Variants in FLT3 observed in about 807,000 individuals in gnomAD.
FLT3 encodes fms related receptor tyrosine kinase 3.
A neutral mutation model predicts 126.6 loss-of-function variants in FLT3; 46 were observed. That is an observed-to-expected ratio of 0.36 (90% CI 0.29 to 0.46). FLT3 has a LOEUF of 0.46. FLT3 is among the 20% of genes least tolerant of loss of function. The pLI, the probability that FLT3 is intolerant of heterozygous loss-of-function variation, is 1.00. For missense variants in FLT3, 1,069 were observed against 1,190.3 expected (o/e 0.90, Z 1.50); for synonymous variants, 404 against 434.4 (o/e 0.93, Z 0.87).
chr13:28,070,460 A>G, intron 2 of FLT3, 31 bp downstream of exon 2: 1 of 1,587,974 alleles, frequency 6.3e-7, no homozygotes, highest in Non-Finnish European at 8.6e-7. Context: ...AGAGAAAAAC[A>G]GCTAAAGGTA....
At position 28,052,569 on chromosome 13, in the gene FLT3, A is replaced by G; in HGVS notation, c.590T>C (p.Val197Ala). 1 of 1,613,632 alleles carries G rather than the reference A, an allele frequency of 6.2e-7. No individual in the cohort carries two copies. Among genetic ancestry groups the G allele is most frequent in the East Asian group, 2.2e-5 (1 of 44,880 alleles). The change falls in exon 5 of 24, where the codon GTG (valine) becomes GCG (alanine). Residue 197 changes from valine (V) to alanine (A), a missense_variant. Transcript: ENST00000241453. ...ESVPEPIVEW[V>A]LCDSQGESCK... ...CCTTTCCCCCTGTGAATCGCAAAGC[A>G]CCCATTCCACGATCGGCTCTGGAAC...
intron 9 of FLT3, among the ~76,000 whole-genome samples, chr13:28,045,122 G>A (rs1453710647): frequency 6.6e-6 from 1 of 152,136 alleles, no homozygotes; most frequent in Non-Finnish European, 1.5e-5. Flanking sequence ...TCATGGGTAT[G>A]GATTGTAGCC....
chr13:28,064,568 T>C (rs188947966), intron 2 of FLT3, among the ~76,000 whole-genome samples: 1 of 151,722 alleles, frequency 6.6e-6, no homozygotes, highest in African/African-American at 2.4e-5. Flanking sequence ...TGAGACTCCA[T>C]CTCAAAAAAA....
At chr13:28,023,541 A>T (rs553790799) in intron 18 of FLT3, 64 bp from the exon 19 acceptor site, 41 of 1,574,354 alleles carry the variant, frequency 2.6e-5, no homozygotes, top group Non-Finnish European at 3.4e-5. Context: ...TTAAATCTCT[A>T]TGGGAAGGTT....
rs1269797866 is a variant in FLT3 at position 28,018,554 on chromosome 13, A to C, written c.2454T>G (p.Leu818=). ...VHRDLAARNV[L]VTHGKVVKIC... ...TCTTCACCACTTTCCCGTGGGTGAC[A>C]AGCACGTTCCTGGCGGCCAGGTCTC... Residue 818 remains leucine (L), a synonymous_variant, in exon 20 of 24, where the codon CTT becomes CTG. Coordinates refer to ENST00000241453, the MANE Select transcript of FLT3 (RefSeq NM_004119.3). The C allele has an allele frequency of 6.2e-7, 1 of 1,614,196 alleles. No homozygotes were observed.
chr13:28,027,116 G>C lies in FLT3; in HGVS notation c.2179C>G (p.Pro727Ala). The C allele has an allele frequency of 1.2e-6, 2 of 1,613,594 alleles. No individual in the cohort carries two copies. The highest frequency in any genetic ancestry group is 2.2e-5 in the East Asian group (1 of 44,860). Residue 727 changes from proline (P) to alanine (A), a missense_variant, in exon 17 of 24, where the codon CCC becomes GCC. Coordinates refer to ENST00000241453, the MANE Select transcript of FLT3 (RefSeq NM_004119.3). ...IFKEHNFSFY[P>A]TFQSHPNSSM... ...GAATTTGGATGTGATTGGAAAGTGG[G>C]GTAAAAACTGAAATTGTGTTCCTTG...
At chr13:28,068,818 C>T (rs1006728241) in intron 2 of FLT3, among the ~76,000 whole-genome samples, 3 of 152,128 alleles carry the variant, frequency 2.0e-5, no homozygotes, top group Non-Finnish European at 4.4e-5. Context: ...CTCAAGCGAT[C>T]CACCCACCTT....
chr13:28,039,587 C>T (rs1291582893), intron 9 of FLT3, among the ~76,000 whole-genome samples: 5 of 143,792 alleles, frequency 3.5e-5, no homozygotes, highest in African/African-American at 1.1e-4. Context: ...CTCACTCTGT[C>T]GCCCAGGCTG....
intron 23 of FLT3, among the ~76,000 whole-genome samples, chr13:28,007,251 C>T (rs1212230079): frequency 1.3e-5 from 2 of 151,740 alleles, no homozygotes; most frequent in African/African-American, 4.8e-5. Context: ...TTTATTTGTG[C>T]TTTTTTCTTT....
chr13:28,003,592 T>A lies in FLT3; in HGVS notation c.*460A>T, dbSNP rs1181918424. On this transcript the variant is annotated 3_prime_UTR_variant, in exon 24 of 24. Transcript: ENST00000241453. The stretch of plus-strand genomic sequence containing the variant: ...TAAGACTTGCCCTAATTATACCATG[T>A]AAATAATTCAATAATGGGCAATTCT... The A allele has an allele frequency of 1.2e-5, 3 of 245,452 alleles. No homozygotes were observed. The highest frequency in any genetic ancestry group is 6.6e-5 in the African/African-American group (3 of 45,538). 15.2% of individuals were successfully genotyped at this position (245,452 alleles called of 1,614,324 possible). A position where few individuals can be genotyped will look rare whatever the true frequency, so the allele number is the denominator to read the frequency against.
intron 4 of FLT3, among the ~76,000 whole-genome samples, chr13:28,055,029 T>C (rs1875885048): frequency 6.6e-6 from 1 of 152,236 alleles, no homozygotes; most frequent in African/African-American, 2.4e-5. Context: ...TTGTTGATTG[T>C]GAACTGCAAG....
rs142608835 is a variant in FLT3, at chr13:28,055,857, G to T, written c.484+1490C>A. Among the ~76,000 whole-genome samples, 12 of 152,204 alleles carry T rather than the reference G, an allele frequency of 7.9e-5. No homozygotes were observed. In the East Asian group the frequency reaches 2.1e-3, roughly 27 times the overall value. ...AACGTCCTAGCTTCATCCAACCTGG[G>T]GCACGTATTTACTGTCCCACAGAGG... On this transcript the variant is annotated intron_variant, in intron 4 of 23. Coordinates refer to ENST00000241453, the MANE Select transcript of FLT3 (RefSeq NM_004119.3).
At chr13:28,094,056 C>T (rs1344223332) in intron 1 of FLT3, among the ~76,000 whole-genome samples, 1 of 152,154 alleles carries the variant, frequency 6.6e-6, no homozygotes, top group Non-Finnish European at 1.5e-5. Flanking sequence ...TGCAGCTGTG[C>T]TTTACAAGTA....
At chr13:28,051,510 T>C (rs1395996110) in intron 5 of FLT3, among the ~76,000 whole-genome samples, 1 of 150,030 alleles carries the variant, frequency 6.7e-6, no homozygotes, top group Non-Finnish European at 1.5e-5. Flanking sequence ...TTGCTGGGAT[T>C]ACAGGTGTGA....
chr13:28,058,449 T>G (rs1056210406), intron 3 of FLT3, among the ~76,000 whole-genome samples: 1 of 151,308 alleles, frequency 6.6e-6, no homozygotes, highest in Non-Finnish European at 1.5e-5. Flanking sequence ...GAGGCGGAGG[T>G]TGCGGTGAGC....
chr13:28,052,261 A>AT (rs1273602285), intron 5 of FLT3, among the ~76,000 whole-genome samples: 1 of 150,384 alleles, frequency 6.6e-6, no homozygotes, highest in Non-Finnish European at 1.5e-5. Context: ...CACCCAGTTA[A>AT]TTTTTTGTAT....
intron 2 of FLT3, among the ~76,000 whole-genome samples, chr13:28,063,208 A>G (rs1876725281): frequency 6.6e-6 from 1 of 152,110 alleles, no homozygotes; most frequent in Non-Finnish European, 1.5e-5. Flanking sequence ...GCCAGGCGCT[A>G]TGGCTCACGC....
intron 1 of FLT3, chr13:28,073,270 C>T (rs528322830): frequency 8.2e-6 from 2 of 242,992 alleles, no homozygotes; most frequent in Admixed American, 5.1e-5. Flanking sequence ...ATCGCTCAGG[C>T]ATGGGATGTT....
At chr13:28,025,321 T>C in intron 17 of FLT3, 1 of 422,924 alleles carries the variant, frequency 2.4e-6, no homozygotes, top group Admixed American at 3.2e-5. Context: ...TCAGCCCACT[T>C]TCCCTCACAT....
Sources: allele counts gnomAD v4.1 joint callset (sites outside exome capture counted in the v4.1 genomes callset), GRCh38; gene constraint gnomAD v4.1.1; transcripts MANE v1.5; gene names NCBI Gene and HGNC (gene_info 2026-07-23, HGNC 2026-07-21).